ANXA4: variants seen among roughly 807,000 people sequenced by gnomAD.
ANXA4 encodes the protein 35-beta calcimedin.
A neutral mutation model predicts 49.8 loss-of-function variants in ANXA4; 39 were observed. The observed-to-expected ratio is 0.78, with a 90% confidence interval of 0.61 to 1.02. The LOEUF (loss-of-function observed/expected upper bound fraction) is 1.02, where lower values mean the gene tolerates loss of function less well. Among genes scored for constraint, ANXA4 ranks in the 50% least tolerant of loss-of-function variants. The pLI is 0.00. For synonymous variants in ANXA4, 134 were observed against 152.5 expected (o/e 0.88, Z 0.89); for missense variants, 360 against 410.1 (o/e 0.88, Z 1.05).
chr2:69,740,277 C>G (rs1027488331), upstream of ANXA4, among the ~76,000 whole-genome samples: 3 of 152,102 alleles, frequency 2.0e-5, no homozygotes, highest in African/African-American at 7.2e-5. Context: ...CTCCTAGCCT[C>G]AAGCAACCAC....
At chr2:69,779,766 A>T (rs1672120335) in intron 1 of ANXA4, among the ~76,000 whole-genome samples, 1 of 152,210 alleles carries the variant, frequency 6.6e-6, no homozygotes, top group Non-Finnish European at 1.5e-5. Flanking sequence ...CATTCAGTTC[A>T]CTTTGGCTTT....
At chr2:69,722,181 A>G (rs1669830768) in intron 3 of ANXA4, among the ~76,000 whole-genome samples, 1 of 152,184 alleles carries the variant, frequency 6.6e-6, no homozygotes, top group Non-Finnish European at 1.5e-5. Context: ...GGCCTGTGCT[A>G]AGTCTGGGGA....
chr2:69,757,261 TA>T (rs1671084402), intron 1 of ANXA4, among the ~76,000 whole-genome samples: 14 of 40,340 alleles, frequency 3.5e-4, no homozygotes, highest in African/African-American at 1.1e-3. Context: ...TATATATATA[TA>T]TATATTTTTT....
At position 69,816,084 on chromosome 2, in the gene ANXA4, G is replaced by T. The variant is rs1177636712; in HGVS notation, c.535-17G>T. 3.7e-6 allele frequency: 6 copies of T among 1,608,108 alleles called. No individual in the cohort carries two copies. Among genetic ancestry groups the T allele is most frequent in the Non-Finnish European group, 5.1e-6 (6 of 1,174,710 alleles). ...ATCGTTTTTGGAATTTTAGACCTGT[G>T]CTTTGTTTGGCTTCAGGACCTGTAT... On this transcript the variant is annotated splice_polypyrimidine_tract_variant and intron_variant, in intron 8 of 12. Coordinates refer to ENST00000394295, the MANE Select transcript of ANXA4 (RefSeq NM_001153.5).
At chr2:69,808,943 T>C (rs1179447538) in intron 6 of ANXA4, 1 of 152,142 alleles carries the variant, frequency 6.6e-6, no homozygotes, top group African/African-American at 2.4e-5. Flanking sequence ...ATTACAGATG[T>C]GAGCCACTAC....
intron 1 of ANXA4, among the ~76,000 whole-genome samples, chr2:69,763,976 C>T (rs923099777): frequency 1.3e-5 from 2 of 152,010 alleles, no homozygotes; most frequent in African/African-American, 2.4e-5. Flanking sequence ...TTTTTTCTGA[C>T]GTGGTCCTCT....
intron 1 of ANXA4, among the ~76,000 whole-genome samples, chr2:69,752,612 C>T (rs866382583): frequency 1.3e-5 from 2 of 152,214 alleles, no homozygotes; most frequent in African/African-American, 2.4e-5. Flanking sequence ...GGAATGTTCA[C>T]ACCTTATTAT....
At chr2:69,763,860 G>T (rs373441737) in intron 1 of ANXA4, among the ~76,000 whole-genome samples, 1 of 151,778 alleles carries the variant, frequency 6.6e-6, no homozygotes, top group Admixed American at 6.6e-5. Context: ...ATGGGGTTTC[G>T]CCATGTTGGT....
chr2:69,741,743 T>C (rs545173552), upstream of ANXA4, among the ~76,000 whole-genome samples: 834 of 152,290 alleles, frequency 5.5e-3, 14 homozygotes, highest in African/African-American at 0.019. Flanking sequence ...AGGGAGGAAC[T>C]GGCGAGGTGG....
chr2:69,762,230 CAG>C (rs1671320354), intron 1 of ANXA4, among the ~76,000 whole-genome samples: 2 of 152,112 alleles, frequency 1.3e-5, no homozygotes, highest in Non-Finnish European at 2.9e-5. Context: ...TGTCAAAAGA[CAG>C]GGTGAGGAGC....
At chr2:69,815,960 C>T in intron 8 of ANXA4, 141 bp from the exon 9 acceptor site, 1 of 655,096 alleles carries the variant, frequency 1.5e-6, no homozygotes, top group South Asian at 1.9e-5. Flanking sequence ...TGAGTCATTT[C>T]CACTCACCAC....
At chr2:69,736,523 T>C (rs4852981) in intron 3 of ANXA4, among the ~76,000 whole-genome samples, 87,039 of 152,014 alleles carry the variant, frequency 0.57, 25,847 homozygotes, top group East Asian at 0.71. Context: ...ATTAGAAGTC[T>C]GTAACTATAG....
Position 69,820,740 on chromosome 2 carries a change from T to G in ANXA4, c.825T>G (p.Val275=). The G allele has an allele frequency of 6.2e-7, 1 of 1,614,136 alleles. No individual in the cohort carries two copies. The highest frequency in any genetic ancestry group is 8.5e-7 in the Non-Finnish European group (1 of 1,180,016). ...TDDNTLIRVM[V]SRAEIDMLDI... ...ATAACACCCTCATCAGAGTGATGGT[T>G]TCTCGAGCAGAAATTGACATGTTGG... is the stretch of plus-strand genomic sequence containing the variant. The change falls in exon 12 of 13, where the codon GTT becomes GTG. Residue 275 remains valine, a synonymous_variant. Coordinates refer to ENST00000394295, the MANE Select transcript of ANXA4 (RefSeq NM_001153.5).
At chr2:69,772,574 C>A (rs1476575339) in intron 1 of ANXA4, among the ~76,000 whole-genome samples, 1 of 152,168 alleles carries the variant, frequency 6.6e-6, no homozygotes, top group African/African-American at 2.4e-5. Context: ...TCTGCTCCCC[C>A]CATCCTTGTG....
At chr2:69,784,846 A>G (rs927447429) in intron 2 of ANXA4, among the ~76,000 whole-genome samples, 1 of 152,108 alleles carries the variant, frequency 6.6e-6, no homozygotes, top group Non-Finnish European at 1.5e-5. Context: ...TGCCTTTGTC[A>G]TACGGTGCTC....
At chr2:69,769,816 C>T (rs1347834969) in intron 1 of ANXA4, among the ~76,000 whole-genome samples, 1 of 152,160 alleles carries the variant, frequency 6.6e-6, no homozygotes, top group Admixed American at 6.5e-5. Flanking sequence ...GCACGTGCCA[C>T]CACACCCAGC....
intron 2 of ANXA4, among the ~76,000 whole-genome samples, chr2:69,665,943 A>C (rs1156646297): frequency 1.3e-5 from 2 of 152,170 alleles, no homozygotes; most frequent in African/African-American, 4.8e-5. Flanking sequence ...GGTGGCTCAC[A>C]CCTATAATCC....
At chr2:69,738,279 A>G (rs1442720853), upstream of ANXA4, among the ~76,000 whole-genome samples, 1 of 152,110 alleles carries the variant, frequency 6.6e-6, no homozygotes, top group Non-Finnish European at 1.5e-5. Context: ...ATAAATGATT[A>G]CATCTCTTCA....
At chr2:69,644,995 C>T (rs1177302027) in intron 1 of ANXA4, 1 of 152,160 alleles carries the variant, frequency 6.6e-6, no homozygotes, top group Non-Finnish European at 1.5e-5. Flanking sequence ...AAAAAACCTA[C>T]CATGATTTAT....
Sources: allele counts gnomAD v4.1 joint callset (sites outside exome capture counted in the v4.1 genomes callset), GRCh38; gene constraint gnomAD v4.1.1; transcripts MANE v1.5; gene names NCBI Gene and HGNC (gene_info 2026-07-23, HGNC 2026-07-21).